The following PCDH15 variants were observed in gnomAD, a reference collection of about 807,000 sequenced individuals.
PCDH15 encodes the protein protocadherin-15.
In PCDH15, 129 loss-of-function variants were observed where a neutral mutation model predicts 178.5. That is an observed-to-expected ratio of 0.72 (90% CI 0.63 to 0.84). PCDH15 has a LOEUF of 0.84. Ranked by LOEUF, PCDH15 falls within the 40% of genes least tolerant of loss-of-function variation. PCDH15 has a pLI of 0.00. For synonymous variants in PCDH15, 800 were observed against 732.0 expected, an observed-to-expected ratio of 1.09 and a Z score of -1.50; for missense variants, 2,230 against 2,099.9, an observed-to-expected ratio of 1.06 and a Z score of -1.21.
intron 3 of PCDH15, among the ~76,000 whole-genome samples, chr10:54,432,287 C>CA (rs35612465): frequency 0.45 from 68,610 of 151,122 alleles, 16,318 homozygotes; most frequent in Middle Eastern, 0.52. Flanking sequence ...AACAAACAAA[C>CA]AAAAAAAACC....
intron 1 of PCDH15, among the ~76,000 whole-genome samples, chr10:54,741,563 C>T (rs548026896): frequency 6.6e-6 from 1 of 152,064 alleles, no homozygotes; most frequent in Admixed American, 6.6e-5. Context: ...ACAAATGTAT[C>T]TTATAATTTT....
At chr10:54,748,977 C>T (rs1945833859) in intron 1 of PCDH15, among the ~76,000 whole-genome samples, 1 of 152,148 alleles carries the variant, frequency 6.6e-6, no homozygotes, top group Admixed American at 6.5e-5. Context: ...TTGTGAATGA[C>T]TGTACCTTAA....
chr10:55,274,564 T>C (rs1317199810), intron 1 of PCDH15, among the ~76,000 whole-genome samples: 1 of 152,058 alleles, frequency 6.6e-6, no homozygotes. Flanking sequence ...TGTTTACTCT[T>C]CTCTCCTGCT....
intron 1 of PCDH15, among the ~76,000 whole-genome samples, chr10:55,261,931 CAT>C (rs1426136117): frequency 1.3e-5 from 2 of 148,824 alleles, no homozygotes; most frequent in African/African-American, 2.5e-5. Flanking sequence ...CAAAAACAAA[CAT>C]AACAAATATG....
intron 2 of PCDH15, among the ~76,000 whole-genome samples, chr10:55,015,141 A>C (rs890556816): frequency 1.3e-5 from 2 of 152,114 alleles, no homozygotes; most frequent in African/African-American, 4.8e-5. Context: ...GGATCACTTG[A>C]GCCCAGCTAC....
rs1057492107 is a variant in PCDH15, at chr10:55,440,407, A to C, written c.-156+187218T>G. ...GAAAAGCCAACTGATCAAATTAATGAGGTAGTTATTGTGGATTTTTAGTGG... is the reference window on the plus strand; with the variant it reads ...GAAAAGCCAACTGATCAAATTAATGCGGTAGTTATTGTGGATTTTTAGTGG... On this transcript the variant is annotated intron_variant, in intron 2 of 5. Coordinates refer to the PCDH15 transcript ENST00000613346. Among the ~76,000 whole-genome samples the C allele has an allele frequency of 6.6e-5, 10 of 152,298 alleles. No homozygotes were observed. The South Asian group carries it at 1.7e-3, about 25-fold the overall frequency.
At chr10:54,886,178 C>G in intron 3 of PCDH15, among the ~76,000 whole-genome samples, 1 of 145,198 alleles carries the variant, frequency 6.9e-6, no homozygotes, top group South Asian at 2.1e-4. Flanking sequence ...GTTCAAAGAT[C>G]TACGGAAATG....
intron 3 of PCDH15, among the ~76,000 whole-genome samples, chr10:54,806,452 G>C (rs1004408796): frequency 6.6e-6 from 1 of 151,502 alleles, no homozygotes; most frequent in Non-Finnish European, 1.5e-5. Flanking sequence ...AAAATCATTT[G>C]GTTATGACTA....
chr10:53,982,625 A>T (rs2090750294), intron 21 of PCDH15, among the ~76,000 whole-genome samples: 1 of 137,668 alleles, frequency 7.3e-6, no homozygotes, highest in Non-Finnish European at 1.5e-5. Context: ...AACAATGAGA[A>T]CACATGGACA....
chr10:55,228,827 T>C (rs1228746440), intron 1 of PCDH15, among the ~76,000 whole-genome samples: 1 of 152,008 alleles, frequency 6.6e-6, no homozygotes, highest in Non-Finnish European at 1.5e-5. Flanking sequence ...TTCAGTTATA[T>C]CTGACACAAT....
At chr10:54,205,523 T>A (rs1300133569) in intron 10 of PCDH15, among the ~76,000 whole-genome samples, 1 of 46,076 alleles carries the variant, frequency 2.2e-5, no homozygotes, top group African/African-American at 7.5e-5. Flanking sequence ...GTGTAAAATG[T>A]CTTAGGGAGG....
chr10:54,525,045 A>G (rs2083242983), intron 3 of PCDH15, among the ~76,000 whole-genome samples: 1 of 152,220 alleles, frequency 6.6e-6, no homozygotes, highest in Non-Finnish European at 1.5e-5. Flanking sequence ...ATTCACAAAG[A>G]ATATTTCTGT....
chr10:55,454,142 T>A (rs1175053453), intron 2 of PCDH15, among the ~76,000 whole-genome samples: 2 of 152,036 alleles, frequency 1.3e-5, no homozygotes, highest in Non-Finnish European at 2.9e-5. Context: ...CATTCAATAT[T>A]TAAAACAAAT....
chr10:53,840,991 A>C (rs1021537428), intron 28 of PCDH15, among the ~76,000 whole-genome samples: 11 of 152,238 alleles, frequency 7.2e-5, no homozygotes, highest in African/African-American at 2.7e-4. Flanking sequence ...CAACGGGAGA[A>C]TGTGGAGATA....
chr10:54,324,448 A>G (rs572105524), intron 7 of PCDH15, among the ~76,000 whole-genome samples: 1 of 152,232 alleles, frequency 6.6e-6, no homozygotes, highest in Admixed American at 6.6e-5. Flanking sequence ...AGAAATTATA[A>G]ATTATTCTTG....
chr10:54,365,524 C>A (rs1465045425), intron 5 of PCDH15, among the ~76,000 whole-genome samples: 2 of 152,028 alleles, frequency 1.3e-5, no homozygotes, highest in African/African-American at 4.8e-5. Context: ...TCTATATTAA[C>A]TTGAGATAAA....
chr10:54,864,538 C>A (rs1310196994), intron 3 of PCDH15: 1 of 152,058 alleles, frequency 6.6e-6, no homozygotes, highest in Non-Finnish European at 1.5e-5. Flanking sequence ...TATCCTGAAA[C>A]TTAGTGGCAA....
chr10:55,322,804 TG>T (rs558066154), upstream of PCDH15, among the ~76,000 whole-genome samples: 1 of 145,156 alleles, frequency 6.9e-6, no homozygotes, highest in Non-Finnish European at 1.5e-5. Context: ...AAAAAAAAAA[TG>T]GGGGGGGAGA....
intron 3 of PCDH15, among the ~76,000 whole-genome samples, chr10:54,515,813 G>A (rs2082154942): frequency 6.6e-6 from 1 of 152,192 alleles, no homozygotes; most frequent in East Asian, 1.9e-4. Flanking sequence ...AGCAGCATTT[G>A]CAGTTCATGA....
Sources: allele counts gnomAD v4.1 joint callset (sites outside exome capture counted in the v4.1 genomes callset), GRCh38; gene constraint gnomAD v4.1.1; transcripts MANE v1.5; gene names NCBI Gene and HGNC (gene_info 2026-07-23, HGNC 2026-07-21).